KCNH8: variants seen among roughly 807,000 people sequenced by gnomAD.
KCNH8 encodes the protein voltage-gated delayed rectifier potassium channel KCNH8.
In KCNH8, 70 loss-of-function variants were observed where a neutral mutation model predicts 103.6. The ratio of observed to expected loss-of-function variants is 0.68; its 90% CI spans 0.56 to 0.82. The LOEUF is 0.82. KCNH8 is among the 40% of genes least tolerant of loss of function. The pLI is 0.00. For synonymous variants in KCNH8, 498 were observed against 489.4 expected (o/e 1.02, Z -0.23); for missense variants, 1,217 against 1,329.9 (o/e 0.92, Z 1.32).
intron 2 of KCNH8, among the ~76,000 whole-genome samples, chr3:19,264,629 C>T (rs537594122): frequency 6.6e-6 from 1 of 152,206 alleles, no homozygotes; most frequent in Admixed American, 6.5e-5. Context: ...TACTGCCTAA[C>T]TAGATTCCTC....
chr3:19,330,448 G>A (rs1245138633), intron 3 of KCNH8, among the ~76,000 whole-genome samples: 1 of 152,140 alleles, frequency 6.6e-6, no homozygotes, highest in African/African-American at 2.4e-5. Context: ...CCTTGTAACT[G>A]ATTGGGTTAT....
At chr3:19,231,444 T>G (rs1455545921) in intron 1 of KCNH8, among the ~76,000 whole-genome samples, 1 of 152,204 alleles carries the variant, frequency 6.6e-6, no homozygotes, top group Non-Finnish European at 1.5e-5. Context: ...ATTATACTTT[T>G]TTTACATTTA....
At chr3:19,270,882 G>A (rs6783211) in intron 2 of KCNH8, among the ~76,000 whole-genome samples, 18,647 of 151,836 alleles carry the variant, frequency 0.12, 3,585 homozygotes, top group African/African-American at 0.41. Flanking sequence ...CCAAATTCTC[G>A]TCTCAATATT....
chr3:19,289,532 T>G (rs1303808883), intron 3 of KCNH8, among the ~76,000 whole-genome samples: 1 of 152,172 alleles, frequency 6.6e-6, no homozygotes, highest in Admixed American at 6.5e-5. Context: ...GATCAGATAG[T>G]TGTAGATATG....
intron 7 of KCNH8, among the ~76,000 whole-genome samples, chr3:19,407,424 C>T (rs2066708978): frequency 6.6e-6 from 1 of 152,008 alleles, no homozygotes; most frequent in African/African-American, 2.4e-5. Flanking sequence ...GATTGTAGTA[C>T]AGAGGGAATC....
intron 7 of KCNH8, among the ~76,000 whole-genome samples, chr3:19,416,758 G>C (rs1253495312): frequency 1.3e-5 from 2 of 152,060 alleles, no homozygotes; most frequent in Non-Finnish European, 2.9e-5. Flanking sequence ...AAACTTCTTA[G>C]CATCAAAATT....
intron 3 of KCNH8, among the ~76,000 whole-genome samples, chr3:19,331,542 C>T (rs1036049667): frequency 2.6e-5 from 4 of 152,020 alleles, no homozygotes; most frequent in South Asian, 2.1e-4. Context: ...CTGCCCGCCT[C>T]GGCCTCCCAA....
chr3:19,260,980 A>G (rs868612623), intron 2 of KCNH8, among the ~76,000 whole-genome samples: 53 of 146,840 alleles, frequency 3.6e-4, no homozygotes, highest in African/African-American at 1.3e-3. Flanking sequence ...ATATATATAT[A>G]TATATATATA....
At chr3:19,520,549 T>A (rs2068954641) in intron 15 of KCNH8, among the ~76,000 whole-genome samples, 1 of 150,802 alleles carries the variant, frequency 6.6e-6, no homozygotes. Context: ...TGTAAAGAGT[T>A]TATATAGAAA....
intron 1 of KCNH8, among the ~76,000 whole-genome samples, chr3:19,236,435 G>A (rs183652449): frequency 6.6e-6 from 1 of 152,236 alleles, no homozygotes; most frequent in East Asian, 1.9e-4. Context: ...TAAGATGAAG[G>A]ACTCCAGTGT....
At chr3:19,500,108 T>C (rs1434429107) in intron 11 of KCNH8, among the ~76,000 whole-genome samples, 1 of 151,602 alleles carries the variant, frequency 6.6e-6, no homozygotes, top group Non-Finnish European at 1.5e-5. Flanking sequence ...ACTAAGCAAA[T>C]GGAAAACAAA....
At chr3:19,492,794 C>T (rs1278390720) in intron 11 of KCNH8, among the ~76,000 whole-genome samples, 1 of 150,200 alleles carries the variant, frequency 6.7e-6, no homozygotes, top group African/African-American at 2.5e-5. Flanking sequence ...TTTCATGACA[C>T]TGATTCTTCT....
chr3:19,158,267 A>G (rs1446008973), intron 1 of KCNH8, among the ~76,000 whole-genome samples: 2 of 151,566 alleles, frequency 1.3e-5, no homozygotes, highest in African/African-American at 4.8e-5. Flanking sequence ...CATATTTTAT[A>G]TTCCTCTATG....
chr3:19,441,048 G>A (rs1398451028), intron 8 of KCNH8, among the ~76,000 whole-genome samples: 1 of 152,146 alleles, frequency 6.6e-6, no homozygotes, highest in African/African-American at 2.4e-5. Context: ...AGGAGGGGAG[G>A]AGGGACTGCC....
At chr3:19,375,547 T>G (rs2066181113) in intron 5 of KCNH8, among the ~76,000 whole-genome samples, 1 of 150,536 alleles carries the variant, frequency 6.6e-6, no homozygotes, top group African/African-American at 2.4e-5. Flanking sequence ...TGCCTTTGGT[T>G]TGAATGTCCT....
chr3:19,477,424 CTTT>C (rs898684189), intron 11 of KCNH8, among the ~76,000 whole-genome samples: 6 of 131,018 alleles, frequency 4.6e-5, no homozygotes, highest in Non-Finnish European at 9.6e-5. Context: ...TTTTGGTTTT[CTTT>C]TTTTTTTTTT....
intron 7 of KCNH8, among the ~76,000 whole-genome samples, chr3:19,416,856 TCTTTG>T (rs1434174386): frequency 5.9e-5 from 9 of 152,194 alleles, no homozygotes; most frequent in African/African-American, 2.2e-4. Flanking sequence ...AGCTTAAGTT[TCTTTG>T]TTATTCCCAT....
intron 15 of KCNH8, among the ~76,000 whole-genome samples, chr3:19,522,888 C>G (rs1575172260): frequency 6.6e-6 from 1 of 151,750 alleles, no homozygotes; most frequent in South Asian, 2.1e-4. Context: ...AACACTTTCT[C>G]AAACTCCAGA....
At chr3:19,171,989 T>A (rs2063353416) in intron 1 of KCNH8, among the ~76,000 whole-genome samples, 1 of 152,196 alleles carries the variant, frequency 6.6e-6, no homozygotes, top group South Asian at 2.1e-4. Context: ...TGATTCCCTT[T>A]CTCAATCATG....
Sources: gnomAD v4.1 joint callset for allele counts (sites outside exome capture counted in the v4.1 genomes callset) on GRCh38, gnomAD v4.1.1 for gene constraint, MANE v1.5 for transcripts, NCBI Gene and HGNC (gene_info 2026-07-23, HGNC 2026-07-21) for gene names.